The following SOX5 variants were observed in gnomAD, a reference collection of about 807,000 sequenced individuals.
SOX5 encodes the protein transcription factor SOX-5.
A neutral mutation model predicts 92.0 loss-of-function variants in SOX5; 9 were observed. The ratio of observed to expected loss-of-function variants is 0.10; its 90% CI spans 0.06 to 0.17. SOX5 has a LOEUF of 0.17. Ranked by LOEUF, SOX5 falls within the 10% of genes least tolerant of loss-of-function variation. The pLI, the probability that SOX5 is intolerant of heterozygous loss-of-function variation, is 1.00. For missense variants in SOX5, 642 were observed against 944.5 expected, an observed-to-expected ratio of 0.68 and a Z score of 4.20; for synonymous variants, 344 against 336.3, an observed-to-expected ratio of 1.02 and a Z score of -0.25.
chr12:24,516,018 G>A (rs185147559), intron 1 of SOX5, among the ~76,000 whole-genome samples: 314 of 150,352 alleles, frequency 2.1e-3, no homozygotes, highest in South Asian at 2.2e-3. Context: ...GTTTTTTCTT[G>A]GCTATGGCAA....
chr12:24,103,884 T>C (rs935012873), intron 4 of SOX5, among the ~76,000 whole-genome samples: 5 of 152,100 alleles, frequency 3.3e-5, no homozygotes, highest in Admixed American at 1.3e-4. Flanking sequence ...AAAATGCCAA[T>C]GTTTTCCTTC....
intron 3 of SOX5, among the ~76,000 whole-genome samples, chr12:24,232,034 C>T (rs999451079): frequency 1.3e-5 from 2 of 152,094 alleles, no homozygotes; most frequent in African/African-American, 4.8e-5. Context: ...ATTTGTAACT[C>T]AATCTAGGAA....
intron 9 of SOX5, chr12:23,584,594 C>A (rs755796030): frequency 1.2e-6 from 2 of 1,608,742 alleles, no homozygotes; most frequent in Non-Finnish European, 1.7e-6. Flanking sequence ...TCTGGTGAAC[C>A]CACTATAACT....
At chr12:23,732,418 A>C (rs2093426636) in intron 6 of SOX5, among the ~76,000 whole-genome samples, 1 of 152,136 alleles carries the variant, frequency 6.6e-6, no homozygotes, top group Admixed American at 6.6e-5. Flanking sequence ...CCAAATTAAC[A>C]ATTGACAAAA....
chr12:24,274,765 C>T (rs12833601), intron 3 of SOX5, among the ~76,000 whole-genome samples: 24,888 of 151,928 alleles, frequency 0.16, 2,409 homozygotes, highest in Middle Eastern at 0.24. Flanking sequence ...GTTAGATTCT[C>T]ACTCTTCTAA....
At chr12:24,100,303 A>T (rs1945930385) in intron 4 of SOX5, among the ~76,000 whole-genome samples, 1 of 151,454 alleles carries the variant, frequency 6.6e-6, no homozygotes, top group South Asian at 2.1e-4. Flanking sequence ...AAACCACCCA[A>T]CTCTTTCTTA....
At chr12:24,107,872 T>C (rs1449661514) in intron 4 of SOX5, among the ~76,000 whole-genome samples, 1 of 152,160 alleles carries the variant, frequency 6.6e-6, no homozygotes, top group Non-Finnish European at 1.5e-5. Flanking sequence ...CATTTAAATA[T>C]CAGGCAATTT....
intron 6 of SOX5, among the ~76,000 whole-genome samples, chr12:23,702,450 A>G (rs1226286183): frequency 1.3e-5 from 2 of 152,040 alleles, no homozygotes; most frequent in African/African-American, 4.8e-5. Context: ...TTGGACGTGA[A>G]CCAAATGAAG....
intron 3 of SOX5, among the ~76,000 whole-genome samples, chr12:23,766,849 C>T (rs576191114): frequency 1.3e-5 from 2 of 151,922 alleles, no homozygotes; most frequent in South Asian, 2.1e-4. Context: ...TTTATTATAT[C>T]GGGGAAAATG....
At chr12:23,669,714 T>C (rs1170775219) in intron 6 of SOX5, among the ~76,000 whole-genome samples, 2 of 150,998 alleles carry the variant, frequency 1.3e-5, no homozygotes, top group Non-Finnish European at 3.0e-5. Flanking sequence ...AATGATAAAA[T>C]CAAAGATAAT....
chr12:23,861,377 C>T (rs1275220065), intron 2 of SOX5, among the ~76,000 whole-genome samples: 1 of 152,048 alleles, frequency 6.6e-6, no homozygotes, highest in African/African-American at 2.4e-5. Context: ...TAAGAAATTA[C>T]TTTGTCATGG....
At chr12:23,835,721 G>A (rs1399985523) in intron 3 of SOX5, among the ~76,000 whole-genome samples, 2 of 151,762 alleles carry the variant, frequency 1.3e-5, no homozygotes, top group Non-Finnish European at 2.9e-5. Flanking sequence ...ATACACATGT[G>A]TGAAATGATA....
chr12:23,740,012 G>A (rs952593200), intron 5 of SOX5, among the ~76,000 whole-genome samples: 2 of 152,008 alleles, frequency 1.3e-5, no homozygotes, highest in Non-Finnish European at 1.5e-5. Context: ...TACAGTGCCC[G>A]GCACATAAGA....
chr12:24,002,641 G>A (rs9805059), intron 4 of SOX5, among the ~76,000 whole-genome samples: 10,430 of 151,102 alleles, frequency 0.069, 543 homozygotes, highest in African/African-American at 0.13. Flanking sequence ...ATTTTTATAG[G>A]GAGTATGTTT....
intron 11 of SOX5, among the ~76,000 whole-genome samples, chr12:23,560,273 T>C (rs569124542): frequency 7.9e-4 from 121 of 152,296 alleles, no homozygotes; most frequent in African/African-American, 2.5e-3. Context: ...TATAAGATAA[T>C]AGTGCAAAAT....
rs775853628 is a variant in SOX5, at chr12:23,895,967, C to T, written c.96G>A (p.Met32Ile). ...PYGEADGEVA[M>I]VTSRQKVEEE... Reference sequence around the variant, plus strand: ...CTTCCACTTTCTGTCTGCTTGTCACCATGGCTACCTCTCCATCTGCTTCCC... The same window carrying T: ...CTTCCACTTTCTGTCTGCTTGTCACTATGGCTACCTCTCCATCTGCTTCCC... The change falls in exon 2 of 15, where the codon ATG (methionine) becomes ATA (isoleucine). Residue 32 changes from methionine (M) to isoleucine (I), a missense_variant. By Grantham distance (10) the Met-to-Ile change is conservative. Transcript: ENST00000451604. 4 of 1,614,138 alleles carry T rather than the reference C, an allele frequency of 2.5e-6. No individual in the cohort carries two copies. The East Asian group carries it at 6.7e-5, about 27-fold the overall frequency.
chr12:24,091,343 G>A (rs1287943678), intron 4 of SOX5, among the ~76,000 whole-genome samples: 1 of 151,720 alleles, frequency 6.6e-6, no homozygotes, highest in Non-Finnish European at 1.5e-5. Flanking sequence ...CTTAAAGCTA[G>A]TGGCTAAATT....
At chr12:23,828,145 C>T (rs891921160) in intron 3 of SOX5, among the ~76,000 whole-genome samples, 3 of 152,008 alleles carry the variant, frequency 2.0e-5, no homozygotes, top group Non-Finnish European at 4.4e-5. Context: ...TTTTTTGTTA[C>T]AATTGCCTAC....
At chr12:23,883,050 G>A (rs899764024) in intron 2 of SOX5, among the ~76,000 whole-genome samples, 14 of 150,942 alleles carry the variant, frequency 9.3e-5, no homozygotes, top group African/African-American at 3.5e-4. Context: ...GCATAGTGGC[G>A]GGTGCCTGTA....
Sources: gnomAD v4.1 joint callset for allele counts (sites outside exome capture counted in the v4.1 genomes callset) on GRCh38, gnomAD v4.1.1 for gene constraint, MANE v1.5 for transcripts, NCBI Gene and HGNC (gene_info 2026-07-23, HGNC 2026-07-21) for gene names.